Variants in NSRP1 observed in about 807,000 individuals in gnomAD.
NSRP1 encodes nuclear speckle splicing regulatory protein 1.
In NSRP1, 24 loss-of-function variants were observed where a neutral mutation model predicts 54.7. The ratio of observed to expected loss-of-function variants is 0.44; its 90% CI spans 0.32 to 0.62. NSRP1 has a LOEUF of 0.62. Ranked by LOEUF, NSRP1 falls within the 20% of genes least tolerant of loss-of-function variation. The pLI, the probability that NSRP1 is intolerant of heterozygous loss-of-function variation, is 0.06. For synonymous variants in NSRP1, 210 were observed against 213.8 expected (o/e 0.98, Z 0.15); for missense variants, 596 against 651.2 (o/e 0.92, Z 0.92).
In NSRP1 at chr17:30,116,878, A is replaced by T. The variant is rs754075805; in HGVS notation, c.20+15A>T. The T allele has an allele frequency of 1.3e-6, 2 of 1,569,738 alleles. No individual in the cohort carries two copies. The highest frequency in any genetic ancestry group is 2.3e-5 in the South Asian group (2 of 85,404). Reference sequence around the variant, plus strand: ...CCGGGCAGGCAGTGAGTGATCCGGGAGTTAGGGTCAGGCTGGGGGATGAGA... The same window carrying T: ...CCGGGCAGGCAGTGAGTGATCCGGGTGTTAGGGTCAGGCTGGGGGATGAGA... On this transcript the variant is annotated intron_variant, in intron 1 of 6. Transcript: ENST00000247026.
At chr17:30,168,975 T>C (rs919170868) in intron 2 of NSRP1, 1 of 152,066 alleles carries the variant, frequency 6.6e-6, no homozygotes, top group East Asian at 1.9e-4. Context: ...GGGATATAAG[T>C]TTGTGAATAG....
intron 3 of NSRP1, among the ~76,000 whole-genome samples, chr17:30,176,854 T>G (rs1221805984): frequency 6.6e-6 from 1 of 152,198 alleles, no homozygotes; most frequent in East Asian, 1.9e-4. Context: ...GTTTTTCAGT[T>G]AGCATGTGCA....
chr17:30,176,752 A>G (rs1322812761), intron 3 of NSRP1, among the ~76,000 whole-genome samples: 2 of 152,096 alleles, frequency 1.3e-5, no homozygotes, highest in Non-Finnish European at 2.9e-5. Context: ...GTGCCAATTC[A>G]ACATCTAGGC....
intron 2 of NSRP1, among the ~76,000 whole-genome samples, chr17:30,138,437 T>C (rs1234742350): frequency 6.6e-6 from 1 of 152,172 alleles, no homozygotes; most frequent in Non-Finnish European, 1.5e-5. Context: ...TGGCATAGTA[T>C]TTGCACATAA....
chr17:30,132,468 CAT>C lies in NSRP1; in HGVS notation c.114+14298_114+14299del, dbSNP rs549331026. 1.6e-3 allele frequency among the ~76,000 whole-genome samples: 244 copies of C among 151,034 alleles called. 2 individuals carry two copies. The highest frequency in any genetic ancestry group is 5.7e-3 in the African/African-American group (236 of 41,068). ...ACTCAGAAGACTGAGGCAGGAGAAT[CAT>C]ATGAGCCCAGGAGGTGGAGGTTGCA... is the stretch of plus-strand genomic sequence containing the variant. On this transcript the variant is annotated intron_variant, in intron 2 of 6. Transcript: ENST00000247026.
chr17:30,181,753 G>GCTACTATA (rs1161772051), intron 6 of NSRP1, among the ~76,000 whole-genome samples: 6 of 151,898 alleles, frequency 4.0e-5, no homozygotes, highest in Admixed American at 1.3e-4. Flanking sequence ...TGGGACTATA[G>GCTACTATA]GTGCATGCAC....
At chr17:30,177,977 A>G (rs1905181051) in intron 3 of NSRP1, 94 bp from the exon 4 acceptor site, 7 of 1,351,734 alleles carry the variant, frequency 5.2e-6, no homozygotes, top group Non-Finnish European at 7.4e-6. Flanking sequence ...TTTATGATAT[A>G]TTTTCAATTT....
Position 30,172,558 on chromosome 17 carries a change from G to T in NSRP1, c.131G>T (p.Ser44Ile). Residue 44 changes from serine to isoleucine, a missense_variant, in exon 3 of 7, where the codon AGC (serine) becomes ATC (isoleucine). Coordinates refer to ENST00000247026, the MANE Select transcript of NSRP1 (RefSeq NM_032141.4). ...DDDDETSVSE[S>I]LQREAAKKQA... ...GTTTTACAGACCTCTGTGAGTGAAA[G>T]CCTTCAGAGGGAAGCTGCTAAGAAG... 1 of 1,609,936 alleles carries T rather than the reference G, an allele frequency of 6.2e-7. No homozygotes were observed. Among genetic ancestry groups the T allele is most frequent in the Non-Finnish European group, 8.5e-7 (1 of 1,177,634 alleles).
intron 2 of NSRP1, among the ~76,000 whole-genome samples, chr17:30,151,926 C>T (rs1355465099): frequency 1.3e-5 from 2 of 150,500 alleles, no homozygotes; most frequent in Non-Finnish European, 3.0e-5. Context: ...TGCGCCACCA[C>T]GCCCGGGTAA....
chr17:30,167,437 T>C (rs955648162), intron 2 of NSRP1, among the ~76,000 whole-genome samples: 3 of 151,992 alleles, frequency 2.0e-5, no homozygotes, highest in Admixed American at 1.3e-4. Context: ...GATGAAACCT[T>C]GTCTCTACTA....
At chr17:30,135,465 T>A (rs187210237) in intron 2 of NSRP1, among the ~76,000 whole-genome samples, 19 of 149,192 alleles carry the variant, frequency 1.3e-4, no homozygotes, top group Admixed American at 1.2e-3. Context: ...TTGGCACCAG[T>A]TTTTTGTTTT....
intron 2 of NSRP1, among the ~76,000 whole-genome samples, chr17:30,143,091 A>G (rs1390813152): frequency 1.3e-5 from 2 of 152,202 alleles, no homozygotes; most frequent in African/African-American, 2.4e-5. Context: ...ATCTGCTTCC[A>G]TATACTGACA....
At chr17:30,121,594 G>A (rs2071598148) in intron 2 of NSRP1, among the ~76,000 whole-genome samples, 1 of 146,916 alleles carries the variant, frequency 6.8e-6, no homozygotes, top group Non-Finnish European at 1.5e-5. Flanking sequence ...TTGAGACGGA[G>A]TCTCTGTCAC....
At chr17:30,118,223 T>C (rs531602823) in intron 2 of NSRP1, 50 bp downstream of exon 2, 53 of 1,450,484 alleles carry the variant, frequency 3.7e-5, no homozygotes, top group Middle Eastern at 1.8e-4. Context: ...GTAAATTTTT[T>C]AAAAATTGAA....
chr17:30,141,337 A>AT (rs2071803646), intron 2 of NSRP1, among the ~76,000 whole-genome samples: 1 of 152,086 alleles, frequency 6.6e-6, no homozygotes, highest in South Asian at 2.1e-4. Flanking sequence ...CACATTGTGT[A>AT]TTTTTTAGAC....
At chr17:30,139,826 C>G (rs188509012) in intron 2 of NSRP1, among the ~76,000 whole-genome samples, 5 of 152,268 alleles carry the variant, frequency 3.3e-5, no homozygotes, top group African/African-American at 1.2e-4. Flanking sequence ...AGATCGAGAC[C>G]ATCCTGGCTA....
intron 2 of NSRP1, among the ~76,000 whole-genome samples, chr17:30,149,425 A>T (rs915312643): frequency 1.3e-5 from 2 of 152,048 alleles, no homozygotes; most frequent in African/African-American, 4.8e-5. Context: ...TTTATTCTTG[A>T]TCTATTTGTT....
intron 2 of NSRP1, among the ~76,000 whole-genome samples, chr17:30,152,384 C>T (rs1413692966): frequency 6.8e-6 from 1 of 147,650 alleles, no homozygotes; most frequent in African/African-American, 2.5e-5. Context: ...TCCCAAAGTG[C>T]TAGGATTACA....
intron 6 of NSRP1, among the ~76,000 whole-genome samples, chr17:30,183,265 A>T (rs977494679): frequency 1.7e-4 from 26 of 151,406 alleles, no homozygotes; most frequent in Admixed American, 4.6e-4. Flanking sequence ...GGTAGATCTG[A>T]GTCTGTGTTG....
Sources: gnomAD v4.1 joint callset for allele counts (sites outside exome capture counted in the v4.1 genomes callset) on GRCh38, gnomAD v4.1.1 for gene constraint, MANE v1.5 for transcripts, NCBI Gene and HGNC (gene_info 2026-07-23, HGNC 2026-07-21) for gene names.